Variants in BCL2L14 observed in about 807,000 individuals in gnomAD.
BCL2L14 encodes the protein BCL2 like 14, also known as apoptosis facilitator Bcl-2-like protein 14.
A neutral mutation model predicts 35.3 loss-of-function variants in BCL2L14; 27 were observed. That is an observed-to-expected ratio of 0.76 (90% CI 0.56 to 1.05). The LOEUF (loss-of-function observed/expected upper bound fraction) is 1.05. Among genes scored for constraint, BCL2L14 ranks in the 50% least tolerant of loss-of-function variants. The probability of loss-of-function intolerance (pLI) is 0.00; values close to 1 mark genes in which losing one functional copy is unlikely to be tolerated. For missense variants in BCL2L14, 377 were observed against 382.6 expected, an observed-to-expected ratio of 0.99 and a Z score of 0.12; for synonymous variants, 139 against 145.9, an observed-to-expected ratio of 0.95 and a Z score of 0.34.
intron 5 of BCL2L14, among the ~76,000 whole-genome samples, chr12:12,097,534 G>A (rs1475637232): frequency 6.6e-6 from 1 of 152,214 alleles, no homozygotes; most frequent in Non-Finnish European, 1.5e-5. Flanking sequence ...CTGAGGGTGA[G>A]AGAATGGGAA....
chr12:12,083,900 A>G (rs987856658), intron 2 of BCL2L14, among the ~76,000 whole-genome samples: 2 of 152,326 alleles, frequency 1.3e-5, no homozygotes, highest in South Asian at 2.1e-4. Flanking sequence ...CTGAGCTGAG[A>G]TCACACCATT....
chr12:12,094,397 G>A, intron 4 of BCL2L14: 1 of 953,266 alleles, frequency 1.0e-6, no homozygotes, highest in Non-Finnish European at 1.7e-6. Flanking sequence ...CCCATTATAA[G>A]TGCTCAGGAA....
At chr12:12,066,747 G>A (rs983277355), upstream of BCL2L14, among the ~76,000 whole-genome samples, 19 of 150,460 alleles carry the variant, frequency 1.3e-4, no homozygotes, top group African/African-American at 4.2e-4. Flanking sequence ...ACAGAGTCTC[G>A]CTCTGTCGCC....
chr12:12,079,393 T>G lies in BCL2L14; in HGVS notation c.88T>G (p.Tyr30Asp). The part of the protein sequence containing the change: ...NTIEFKILAY[Y>D]TRHHVFKSTP... ...CATAGAATTCAAAATCCTCGCCTACTACACCAGACATCATGTCTTCAAGAG... is the reference window on the plus strand; with the variant it reads ...CATAGAATTCAAAATCCTCGCCTACGACACCAGACATCATGTCTTCAAGAG... The change falls in exon 2 of 6, where the codon TAC (tyrosine) becomes GAC (aspartate). Residue 30 changes from tyrosine to aspartate, a missense_variant. By Grantham distance (160) the Tyr-to-Asp change is radical. Transcript: ENST00000308721. 6.2e-7 allele frequency: 1 copy of G among 1,614,190 alleles called. No individual in the cohort carries two copies.
intron 2 of BCL2L14, among the ~76,000 whole-genome samples, chr12:12,084,946 A>C (rs61923197): frequency 0.48 from 73,073 of 150,868 alleles, 18,445 homozygotes; most frequent in Middle Eastern, 0.61. Flanking sequence ...TAGTGGCGGG[A>C]GCCACTACGT....
At chr12:12,098,629 G>C (rs558204784) in intron 5 of BCL2L14, among the ~76,000 whole-genome samples, 8 of 152,298 alleles carry the variant, frequency 5.3e-5, no homozygotes, top group Admixed American at 2.6e-4. Context: ...GTAGCACTTT[G>C]AAAGGAGAGA....
intron 2 of BCL2L14, among the ~76,000 whole-genome samples, chr12:12,058,639 A>T (rs1178710072): frequency 2.0e-5 from 3 of 147,454 alleles, no homozygotes. Context: ...TCCTTTACCT[A>T]CCCAAATCCT....
chr12:12,058,866 C>T (rs1180724835), intron 2 of BCL2L14, among the ~76,000 whole-genome samples: 1 of 152,192 alleles, frequency 6.6e-6, no homozygotes, highest in African/African-American at 2.4e-5. Context: ...TGAGAAAGAT[C>T]CACCTATGAC....
chr12:12,067,800 G>A (rs1948611288), upstream of BCL2L14, among the ~76,000 whole-genome samples: 1 of 152,200 alleles, frequency 6.6e-6, no homozygotes, highest in African/African-American at 2.4e-5. Flanking sequence ...TCTAACATGT[G>A]TTGTGACCTG....
rs778190974 is a variant in BCL2L14 at position 12,099,000 on chromosome 12, T to A, written c.*12T>A. On this transcript the variant is annotated 3_prime_UTR_variant, in exon 6 of 6. Transcript: ENST00000308721. Reference sequence around the variant, plus strand: ...AAGAAGTAGACTGAAATATCAGATTTGTCATCAGGAATACTCTTTGTCTAC... The same window carrying A: ...AAGAAGTAGACTGAAATATCAGATTAGTCATCAGGAATACTCTTTGTCTAC... The A allele has an allele frequency of 8.8e-6, 14 of 1,591,574 alleles. No individual in the cohort carries two copies.
intron 2 of BCL2L14, among the ~76,000 whole-genome samples, chr12:12,059,691 C>A (rs1948492768): frequency 6.6e-6 from 1 of 151,872 alleles, no homozygotes; most frequent in Non-Finnish European, 1.5e-5. Flanking sequence ...CCTTCCATTC[C>A]TCCTTCTTCT....
chr12:12,060,683 A>G lies in BCL2L14; in HGVS notation c.-272+8836A>G, dbSNP rs1383456713. Among the ~76,000 whole-genome samples the G allele has an allele frequency of 6.3e-5, 3 of 47,742 alleles. 1 individual carries two copies. The highest frequency in any genetic ancestry group is 1.2e-4 in the Non-Finnish European group (3 of 25,786). The allele number at this position is 47,742 out of a possible 152,430, so 31.3% of individuals were successfully genotyped here. A position where few individuals can be genotyped will look rare whatever the true frequency, so the allele number is the denominator to read the frequency against. Reference sequence around the variant, plus strand: ...GCTTGCTACAAGTGCCAGAAATCTGACCACCAGGCCAAGGAATGCCTGCAG... The same window carrying G: ...GCTTGCTACAAGTGCCAGAAATCTGGCCACCAGGCCAAGGAATGCCTGCAG... On this transcript the variant is annotated intron_variant, in intron 2 of 3. Transcript: ENST00000461264.
At chr12:12,057,816 A>G (rs112013832) in intron 2 of BCL2L14, among the ~76,000 whole-genome samples, 9 of 151,306 alleles carry the variant, frequency 5.9e-5, no homozygotes, top group African/African-American at 1.9e-4. Context: ...AACCATGTGA[A>G]GAAGATGGTC....
chr12:12,087,811 G>A (rs1265315367), intron 3 of BCL2L14, among the ~76,000 whole-genome samples: 1 of 152,210 alleles, frequency 6.6e-6, no homozygotes, highest in African/African-American at 2.4e-5. Context: ...GGGGTTGTCA[G>A]GCACCAGCTA....
At chr12:12,073,749 A>C (rs1948719730) in intron 1 of BCL2L14, among the ~76,000 whole-genome samples, 1 of 152,206 alleles carries the variant, frequency 6.6e-6, no homozygotes, top group Admixed American at 6.5e-5. Context: ...TTCCTGAAGG[A>C]CCAGGGTGCA....
chr12:12,050,216 T>G (rs79941823), intron 1 of BCL2L14, among the ~76,000 whole-genome samples: 1 of 149,518 alleles, frequency 6.7e-6, no homozygotes, highest in Admixed American at 6.6e-5. Context: ...GGAGGTGGGG[T>G]TCAATAGGAG....
In BCL2L14 at chr12:12,099,219, A is replaced by C. The variant is rs550651985; in HGVS notation, c.*231A>C. The C allele has an allele frequency of 3.4e-5, 18 of 526,186 alleles. No homozygotes were observed. Among genetic ancestry groups the C allele is most frequent in the Non-Finnish European group, 5.8e-5 (17 of 293,184 alleles). The allele number at this position is 526,186 out of a possible 1,614,324, so 32.6% of individuals were successfully genotyped here. On this transcript the variant is annotated 3_prime_UTR_variant, in exon 6 of 6. Transcript: ENST00000308721. The stretch of plus-strand genomic sequence containing the variant: ...ATGTTTTTCAGGCCCTCCATTGAGA[A>C]CCTGAGGAAATCTGTAAAGATAAGT...
At chr12:12,051,096 C>T (rs1221384847) in intron 1 of BCL2L14, among the ~76,000 whole-genome samples, 2 of 152,090 alleles carry the variant, frequency 1.3e-5, no homozygotes, top group African/African-American at 4.8e-5. Flanking sequence ...TAAAGTTCAG[C>T]GTGAAATTGA....
intron 5 of BCL2L14, 158 bp downstream of exon 5, chr12:12,095,088 T>C: frequency 1.0e-6 from 1 of 985,170 alleles, no homozygotes; most frequent in South Asian, 4.7e-5. Flanking sequence ...GATGGGAACA[T>C]ATTTTTAGTG....
Sources: allele counts gnomAD v4.1 joint callset (sites outside exome capture counted in the v4.1 genomes callset), GRCh38; gene constraint gnomAD v4.1.1; transcripts MANE v1.5; gene names NCBI Gene and HGNC (gene_info 2026-07-23, HGNC 2026-07-21).